ZNF804B: variants seen among roughly 807,000 people sequenced by gnomAD.
ZNF804B encodes the protein zinc finger 804B.
ZNF804B carries 80 observed loss-of-function variants against 101.4 expected under a neutral mutation model. The ratio of observed to expected loss-of-function variants is 0.79; its 90% confidence interval spans 0.66 to 0.95. The LOEUF (loss-of-function observed/expected upper bound fraction) is 0.95. Ranked by LOEUF, ZNF804B falls within the 40% of genes least tolerant of loss-of-function variation. ZNF804B has a pLI of 0.00. For missense variants in ZNF804B, 1,673 were observed against 1,561.9 expected, an observed-to-expected ratio of 1.07 and a Z score of -1.20; for synonymous variants, 622 against 558.8, an observed-to-expected ratio of 1.11 and a Z score of -1.59.
At chr7:89,142,942 A>G (rs1489226229) in intron 1 of ZNF804B, among the ~76,000 whole-genome samples, 5 of 151,964 alleles carry the variant, frequency 3.3e-5, no homozygotes, top group African/African-American at 1.2e-4. Flanking sequence ...TTATTGAAGC[A>G]CTGTAATATA....
chr7:89,209,100 A>G (rs1331801427), intron 1 of ZNF804B, among the ~76,000 whole-genome samples: 1 of 152,114 alleles, frequency 6.6e-6, no homozygotes, highest in Non-Finnish European at 1.5e-5. Flanking sequence ...TATTTAAGCA[A>G]ACTTTAAATA....
At chr7:89,245,606 A>T (rs1250045170) in intron 2 of ZNF804B, among the ~76,000 whole-genome samples, 2 of 152,200 alleles carry the variant, frequency 1.3e-5, no homozygotes, top group Non-Finnish European at 2.9e-5. Context: ...ATCAAAAATA[A>T]TGATGGAAAT....
chr7:88,967,050 AG>A (rs1374059450), intron 1 of ZNF804B, among the ~76,000 whole-genome samples: 6 of 151,030 alleles, frequency 4.0e-5, no homozygotes, highest in African/African-American at 1.5e-4. Context: ...GTCACTTTGG[AG>A]TCCCTTTAAT....
chr7:89,185,162 T>C (rs1788356931), intron 1 of ZNF804B, among the ~76,000 whole-genome samples: 1 of 152,186 alleles, frequency 6.6e-6, no homozygotes, highest in African/African-American at 2.4e-5. Flanking sequence ...TAATTACAGC[T>C]TACCATATAT....
intron 1 of ZNF804B, among the ~76,000 whole-genome samples, chr7:89,132,803 CT>C (rs1316715664): frequency 6.6e-6 from 1 of 152,042 alleles, no homozygotes; most frequent in African/African-American, 2.4e-5. Flanking sequence ...TTGTTATAGA[CT>C]AACTGAGCAA....
intron 1 of ZNF804B, among the ~76,000 whole-genome samples, chr7:88,772,174 A>G (rs779735058): frequency 6.6e-6 from 1 of 152,284 alleles, no homozygotes; most frequent in Non-Finnish European, 1.5e-5. Flanking sequence ...GCTACATACT[A>G]TACGTTTAGG....
chr7:89,291,823 C>T (rs1198394147), intron 2 of ZNF804B, among the ~76,000 whole-genome samples: 1 of 151,996 alleles, frequency 6.6e-6, no homozygotes, highest in Non-Finnish European at 1.5e-5. Flanking sequence ...AAGACTATCT[C>T]AAGGCATTTA....
chr7:88,811,219 C>CTTA (rs1790780264), intron 1 of ZNF804B, among the ~76,000 whole-genome samples: 1 of 152,172 alleles, frequency 6.6e-6, no homozygotes, highest in Admixed American at 6.5e-5. Flanking sequence ...GAAATACCAA[C>CTTA]TGTATGGCTG....
intron 1 of ZNF804B, among the ~76,000 whole-genome samples, chr7:88,834,484 C>T (rs10225857): frequency 0.039 from 5,937 of 151,702 alleles, 404 homozygotes; most frequent in African/African-American, 0.14. Context: ...GAATTGAAAA[C>T]GCACATGATA....
chr7:89,100,243 G>A (rs1790034745), intron 1 of ZNF804B, among the ~76,000 whole-genome samples: 1 of 152,088 alleles, frequency 6.6e-6, no homozygotes, highest in African/African-American at 2.4e-5. Flanking sequence ...ATAGTGCTGG[G>A]AAAACTGGAT....
At chr7:89,058,939 G>A (rs1454376588) in intron 1 of ZNF804B, among the ~76,000 whole-genome samples, 1 of 99,338 alleles carries the variant, frequency 1.0e-5, no homozygotes, top group African/African-American at 4.1e-5. Context: ...AGTGATCTTC[G>A]AAGTTTGGCC....
At chr7:89,108,284 C>T (rs1790165464) in intron 1 of ZNF804B, among the ~76,000 whole-genome samples, 1 of 149,862 alleles carries the variant, frequency 6.7e-6, no homozygotes, top group South Asian at 2.1e-4. Flanking sequence ...TTTATCTCGA[C>T]AGAAAGTACA....
At chr7:89,226,452 A>G (rs1320699410) in intron 2 of ZNF804B, among the ~76,000 whole-genome samples, 2 of 152,084 alleles carry the variant, frequency 1.3e-5, no homozygotes, top group Non-Finnish European at 2.9e-5. Context: ...ATGATGTAAA[A>G]TGTAATTCTT....
In ZNF804B at chr7:88,870,400, A is replaced by AAGAAAAAAAAAAAAAG. The variant is rs1554341921; in HGVS notation, c.108+110317_108+110318insGAAAAAAAAAAAAAGA. Among the ~76,000 whole-genome samples the AAGAAAAAAAAAAAAAG allele has an allele frequency of 1.2e-4, 14 of 112,672 alleles. 1 individual carries two copies. The highest frequency in any genetic ancestry group is 5.1e-4 in the African/African-American group (13 of 25,426). 73.9% of individuals were successfully genotyped at this position (112,672 alleles called of 152,430 possible). The stretch of plus-strand genomic sequence containing the variant: ...ACTCCGTCTCAAAAAAAAAAAAAAA[A>AAGAAAAAAAAAAAAAG]AAAAAAAGGTGGGTGATTGGAAAAC... On this transcript the variant is annotated intron_variant, in intron 1 of 3. Transcript: ENST00000333190.
rs1330288785 is a variant in ZNF804B, at chr7:88,854,405, T to TCC, written c.108+94321_108+94322insCC. Among the ~76,000 whole-genome samples, 76 of 146,712 alleles carry TCC rather than the reference T, an allele frequency of 5.2e-4. 2 individuals are homozygous for TCC. The highest frequency in any genetic ancestry group is 2.0e-3 in the African/African-American group (74 of 37,488). On this transcript the variant is annotated intron_variant, in intron 1 of 3. Coordinates refer to ENST00000333190, the MANE Select transcript of ZNF804B (RefSeq NM_181646.5). ...GTACTGCATTTCTTTCTTTCTTTCT[T>TCC]TCTTTCTTCCTTTCTTTCTTTCTTT... is the stretch of plus-strand genomic sequence containing the variant.
At position 89,054,234 on chromosome 7, in the gene ZNF804B, A is replaced by G. The variant is rs189701131; in HGVS notation, c.109-163921A>G. Among the ~76,000 whole-genome samples the G allele has an allele frequency of 3.3e-5, 5 of 150,332 alleles. No individual in the cohort carries two copies. In the Admixed American group the frequency reaches 3.3e-4, roughly 10 times the overall value. On this transcript the variant is annotated intron_variant, in intron 1 of 3. Transcript: ENST00000333190. ...TTTAGGAAATTAATTGCTGTCTTAT[A>G]TGTGCCTATTATACAAGAATAAAAT...
chr7:89,321,036 T>C (rs188838614), intron 2 of ZNF804B, among the ~76,000 whole-genome samples: 7 of 152,270 alleles, frequency 4.6e-5, no homozygotes, highest in Non-Finnish European at 8.8e-5. Flanking sequence ...TTTGAATGCA[T>C]CAAGTAAAAT....
chr7:89,114,280 T>C (rs1472862398), intron 1 of ZNF804B, among the ~76,000 whole-genome samples: 1 of 152,210 alleles, frequency 6.6e-6, no homozygotes, highest in Non-Finnish European at 1.5e-5. Flanking sequence ...CAATATGTTT[T>C]ACTTCAAAAT....
chr7:89,208,826 C>T (rs1788757864), intron 1 of ZNF804B, among the ~76,000 whole-genome samples: 1 of 151,982 alleles, frequency 6.6e-6, no homozygotes, highest in African/African-American at 2.4e-5. Flanking sequence ...TCCTGGCTAA[C>T]ACGGTGAAAC....
Sources: allele counts gnomAD v4.1 joint callset (sites outside exome capture counted in the v4.1 genomes callset), GRCh38; gene constraint gnomAD v4.1.1; transcripts MANE v1.5; gene names NCBI Gene and HGNC (gene_info 2026-07-23, HGNC 2026-07-21).